Variants in MIPOL1 observed in about 807,000 individuals in gnomAD.
The protein encoded by MIPOL1 is mirror-image polydactyly 1, also known as mirror-image polydactyly gene 1 protein.
MIPOL1 carries 57 observed loss-of-function variants against 60.9 expected under a neutral mutation model. The observed-to-expected ratio is 0.94, with a 90% CI of 0.76 to 1.17. The LOEUF is 1.17. Ranked by LOEUF, MIPOL1 falls within the 50% of genes most tolerant of loss-of-function variation. MIPOL1 has a pLI of 0.00. For synonymous variants in MIPOL1, 179 were observed against 168.8 expected, an observed-to-expected ratio of 1.06 and a Z score of -0.47; for missense variants, 551 against 511.6, an observed-to-expected ratio of 1.08 and a Z score of -0.74.
intron 11 of MIPOL1, among the ~76,000 whole-genome samples, chr14:37,467,069 A>G (rs567697330): frequency 2.5e-4 from 38 of 152,316 alleles, no homozygotes; most frequent in African/African-American, 8.9e-4. Flanking sequence ...TTGCTTATAA[A>G]TGTGATATAA....
At chr14:37,383,951 G>A (rs1013454110) in intron 10 of MIPOL1, among the ~76,000 whole-genome samples, 2 of 151,786 alleles carry the variant, frequency 1.3e-5, no homozygotes, top group Non-Finnish European at 2.9e-5. Flanking sequence ...CATGGCAGAG[G>A]AAGAAATTCA....
Position 37,521,434 on chromosome 14 carries a change from G to T in MIPOL1, c.1262+21296G>T, listed in dbSNP as rs888457278. On this transcript the variant is annotated intron_variant, in intron 12 of 12. Transcript: ENST00000684589. Reference sequence around the variant, plus strand: ...GGTAATGTGAGTAGTGTGATCAAATGAACACAATTTATAGATCTCGTGAAG... The same window carrying T: ...GGTAATGTGAGTAGTGTGATCAAATTAACACAATTTATAGATCTCGTGAAG... 2.0e-5 allele frequency among the ~76,000 whole-genome samples: 3 copies of T among 152,164 alleles called. No individual in the cohort carries two copies. In the South Asian group the frequency reaches 6.2e-4, roughly 32 times the overall value.
chr14:37,258,101 C>T (rs139852473), intron 3 of MIPOL1, among the ~76,000 whole-genome samples: 14 of 152,254 alleles, frequency 9.2e-5, no homozygotes, highest in Non-Finnish European at 1.8e-4. Flanking sequence ...ACACAATCAT[C>T]CATCCATTAG....
At chr14:37,377,864 C>G (rs1312295150) in intron 10 of MIPOL1, among the ~76,000 whole-genome samples, 1 of 150,712 alleles carries the variant, frequency 6.6e-6, no homozygotes, top group African/African-American at 2.4e-5. Flanking sequence ...CCTTCTGAGT[C>G]CAGTATTACT....
chr14:37,384,004 T>C (rs2092998158), intron 10 of MIPOL1, among the ~76,000 whole-genome samples: 1 of 152,014 alleles, frequency 6.6e-6, no homozygotes, highest in South Asian at 2.1e-4. Flanking sequence ...GATGGTAATA[T>C]AAACCAACAA....
rs183947142 is a variant in MIPOL1, at chr14:37,472,327, C to A, written c.1032-27581C>A. 8.0e-4 allele frequency among the ~76,000 whole-genome samples: 122 copies of A among 152,166 alleles called. 1 individual carries two copies. In the East Asian group the frequency reaches 0.022, roughly 28 times the overall value. ...ATTATTTGCTATTATTAGGCTGGTG[C>A]AAAAGTAATTTTTGCAAAAGTAAAA... On this transcript the variant is annotated intron_variant, in intron 11 of 12. Transcript: ENST00000684589.
intron 11 of MIPOL1, among the ~76,000 whole-genome samples, chr14:37,439,688 T>G (rs1452637845): frequency 6.6e-6 from 1 of 152,128 alleles, no homozygotes; most frequent in Non-Finnish European, 1.5e-5. Flanking sequence ...CACAGTCTCG[T>G]GCACATACCC....
intron 12 of MIPOL1, among the ~76,000 whole-genome samples, chr14:37,524,350 G>A (rs1361523301): frequency 6.6e-6 from 1 of 152,014 alleles, no homozygotes; most frequent in Non-Finnish European, 1.5e-5. Flanking sequence ...TAGACTTTCT[G>A]GAAAGATACA....
intron 3 of MIPOL1, among the ~76,000 whole-genome samples, chr14:37,249,380 A>G (rs780086346): frequency 6.6e-6 from 1 of 152,136 alleles, no homozygotes; most frequent in Non-Finnish European, 1.5e-5. Context: ...TGTACTGAAT[A>G]AGTTAACAAT....
At chr14:37,207,326 C>T (rs8009205) in intron 1 of MIPOL1, among the ~76,000 whole-genome samples, 11,072 of 152,018 alleles carry the variant, frequency 0.073, 1,341 homozygotes, top group African/African-American at 0.25. Flanking sequence ...TGCCTTTTAC[C>T]TTCCATGATG....
intron 11 of MIPOL1, among the ~76,000 whole-genome samples, chr14:37,491,810 A>G (rs1477445524): frequency 6.6e-6 from 1 of 152,214 alleles, no homozygotes; most frequent in Non-Finnish European, 1.5e-5. Context: ...TTATTAAACT[A>G]AACCAACTGC....
chr14:37,444,905 C>A (rs1175987388), intron 11 of MIPOL1, among the ~76,000 whole-genome samples: 1 of 152,104 alleles, frequency 6.6e-6, no homozygotes, highest in African/African-American at 2.4e-5. Flanking sequence ...TCAATAAATT[C>A]AGTATTGATG....
At chr14:37,471,426 C>T (rs775545809) in intron 11 of MIPOL1, among the ~76,000 whole-genome samples, 4 of 152,102 alleles carry the variant, frequency 2.6e-5, no homozygotes, top group Non-Finnish European at 4.4e-5. Context: ...TCTCCATGTT[C>T]TCTTAGAATT....
intron 1 of MIPOL1, among the ~76,000 whole-genome samples, chr14:37,208,826 A>G (rs1395810718): frequency 6.6e-6 from 1 of 152,096 alleles, no homozygotes; most frequent in African/African-American, 2.4e-5. Context: ...CCTGTTGTCA[A>G]GTGATCTTCC....
intron 1 of MIPOL1, among the ~76,000 whole-genome samples, chr14:37,231,138 A>G (rs561266894): frequency 3.4e-4 from 51 of 152,226 alleles, no homozygotes; most frequent in East Asian, 1.7e-3. Context: ...TGTATCGCCC[A>G]GGCTGGAGTG....
chr14:37,237,948 GT>G (rs894939632), intron 1 of MIPOL1, among the ~76,000 whole-genome samples: 7 of 151,604 alleles, frequency 4.6e-5, no homozygotes, highest in Non-Finnish European at 1.0e-4. Context: ...TTTTGAGCTT[GT>G]TTTTTTTGAA....
At chr14:37,258,474 A>G (rs925897365) in intron 3 of MIPOL1, among the ~76,000 whole-genome samples, 1 of 152,128 alleles carries the variant, frequency 6.6e-6, no homozygotes, top group African/African-American at 2.4e-5. Flanking sequence ...TATATTACAA[A>G]TAGCCAAATA....
chr14:37,488,067 T>C (rs1191974935), intron 11 of MIPOL1, among the ~76,000 whole-genome samples: 3 of 152,228 alleles, frequency 2.0e-5, no homozygotes, highest in African/African-American at 7.2e-5. Flanking sequence ...AACATCTTTA[T>C]TTCTGCCTTC....
chr14:37,357,842 T>C (rs2091949050), intron 9 of MIPOL1, among the ~76,000 whole-genome samples: 1 of 152,152 alleles, frequency 6.6e-6, no homozygotes. Context: ...TTTTCTTTTT[T>C]TGTTTTTTTA....
Sources: gnomAD v4.1 joint callset for allele counts (sites outside exome capture counted in the v4.1 genomes callset) on GRCh38, gnomAD v4.1.1 for gene constraint, MANE v1.5 for transcripts, NCBI Gene and HGNC (gene_info 2026-07-23, HGNC 2026-07-21) for gene names.